The following MCTP2 variants were observed in gnomAD, a reference collection of about 807,000 sequenced individuals.
MCTP2 encodes multiple C2 and transmembrane domain-containing protein 2.
In MCTP2, 132 loss-of-function variants were observed where a neutral mutation model predicts 111.6. That is an observed-to-expected ratio of 1.18 (90% CI 1.03 to 1.37). The LOEUF is 1.37. MCTP2 is among the 40% of genes most tolerant of loss of function. The pLI is 0.00. For missense variants in MCTP2, 1,183 were observed against 1,067.9 expected (o/e 1.11, Z -1.50); for synonymous variants, 395 against 387.7 (o/e 1.02, Z -0.22).
intron 14 of MCTP2, among the ~76,000 whole-genome samples, chr15:94,391,158 C>T (rs1194201394): frequency 6.6e-6 from 1 of 152,004 alleles, no homozygotes; most frequent in African/African-American, 2.4e-5. Context: ...TCGGTGAATC[C>T]ATGTACACCC....
chr15:94,242,409 C>T lies in MCTP2; in HGVS notation c.-66+10745C>T, dbSNP rs115091862. Among the ~76,000 whole-genome samples, 1,409 of 152,200 alleles carry T rather than the reference C, an allele frequency of 9.3e-3. 26 individuals are homozygous for T. The highest frequency in any genetic ancestry group is 0.032 in the African/African-American group (1,344 of 41,534). ...AGGAAAAGAGGGAGTCTGGATTCTT[C>T]GTAATAAGCAAACCTACAGAGGTTT... is the stretch of plus-strand genomic sequence containing the variant. On this transcript the variant is annotated intron_variant, in intron 1 of 22. Transcript: ENST00000357742.
intron 17 of MCTP2, among the ~76,000 whole-genome samples, chr15:94,419,258 G>T (rs1431178605): frequency 3.7e-4 from 56 of 152,058 alleles, no homozygotes; most frequent in Non-Finnish European, 4.4e-5. Flanking sequence ...TAACTGACCA[G>T]GTCACTTTAT....
intron 14 of MCTP2, among the ~76,000 whole-genome samples, chr15:94,390,725 C>CTTTT (rs777312969): frequency 0.014 from 1,544 of 112,898 alleles, 42 homozygotes; most frequent in Middle Eastern, 0.028. Flanking sequence ...CTTTTCTTTT[C>CTTTT]TTTTTTTTTT....
At chr15:94,270,203 A>C (rs2073833482) in intron 1 of MCTP2, among the ~76,000 whole-genome samples, 1 of 152,136 alleles carries the variant, frequency 6.6e-6, no homozygotes, top group Non-Finnish European at 1.5e-5. Flanking sequence ...ATGTCAAAGA[A>C]TGTTTCCACC....
At chr15:94,251,324 TTAATCATCCTAAAA>T (rs1182145648) in intron 1 of MCTP2, among the ~76,000 whole-genome samples, 11 of 152,188 alleles carry the variant, frequency 7.2e-5, no homozygotes, top group Non-Finnish European at 1.0e-4. Flanking sequence ...TTATGTTTTC[TTAATCATCCTAAAA>T]TACACATAAC....
chr15:94,358,587 A>G lies in MCTP2; in HGVS notation c.1276A>G (p.Lys426Glu). The G allele has an allele frequency of 6.2e-7, 1 of 1,613,748 alleles. No homozygotes were observed. The highest frequency in any genetic ancestry group is 8.5e-7 in the Non-Finnish European group (1 of 1,179,760). ...CATTGAAGTGTGGGGAAAGGACAAC[A>G]AAAAGCATGAGGAACGTCTGGGCAC... is the stretch of plus-strand genomic sequence containing the variant. ...LDIEVWGKDN[K>E]KHEERLGTCK... Residue 426 changes from lysine to glutamate, a missense_variant, in exon 10 of 23, where the codon AAA (lysine) becomes GAA (glutamate). Lys to Glu is a moderately conservative substitution (Grantham distance 56). Transcript: ENST00000357742.
chr15:94,249,509 G>A (rs1218342508), intron 1 of MCTP2, among the ~76,000 whole-genome samples: 1 of 149,032 alleles, frequency 6.7e-6, no homozygotes, highest in East Asian at 2.0e-4. Flanking sequence ...TTTTTGAGAC[G>A]GAGTCTCACT....
intron 4 of MCTP2, among the ~76,000 whole-genome samples, chr15:94,328,567 A>G (rs542279759): frequency 2.2e-4 from 33 of 152,344 alleles, no homozygotes; most frequent in Admixed American, 1.6e-3. Flanking sequence ...GTATTCCCAC[A>G]TGTCCGTGAT....
chr15:94,392,818 AAAACAAAC>A (rs922294769), intron 14 of MCTP2, among the ~76,000 whole-genome samples: 2 of 151,920 alleles, frequency 1.3e-5, no homozygotes, highest in African/African-American at 2.4e-5. Context: ...TTCATCTCAA[AAAACAAAC>A]AAACAAACAA....
chr15:94,341,847 C>G (rs1258739780), intron 7 of MCTP2: 1 of 152,100 alleles, frequency 6.6e-6, no homozygotes, highest in East Asian at 1.9e-4. Context: ...ACACTTGTGA[C>G]CTCAATAAAA....
intron 17 of MCTP2, among the ~76,000 whole-genome samples, chr15:94,423,063 GTA>G (rs2082703693): frequency 6.6e-6 from 1 of 152,112 alleles, no homozygotes; most frequent in East Asian, 1.9e-4. Context: ...TAGTAACTGG[GTA>G]TATGTCTTCT....
At chr15:94,333,944 A>T (rs1184909139) in intron 4 of MCTP2, among the ~76,000 whole-genome samples, 1 of 152,236 alleles carries the variant, frequency 6.6e-6, no homozygotes, top group Non-Finnish European at 1.5e-5. Flanking sequence ...TTTCTATCAA[A>T]CCTAAGAGAC....
At chr15:94,342,997 C>T (rs1198320148) in intron 7 of MCTP2, 3 of 140,198 alleles carry the variant, frequency 2.1e-5, no homozygotes, top group Non-Finnish European at 4.7e-5. Context: ...CATATATACA[C>T]ATATACACAT....
chr15:94,311,120 G>A (rs1458531589), intron 2 of MCTP2, among the ~76,000 whole-genome samples: 1 of 151,280 alleles, frequency 6.6e-6, no homozygotes, highest in African/African-American at 2.4e-5. Flanking sequence ...CACAACCTGG[G>A]TTCAGGTGAC....
At chr15:94,410,473 T>A (rs2082105469) in intron 17 of MCTP2, among the ~76,000 whole-genome samples, 1 of 151,940 alleles carries the variant, frequency 6.6e-6, no homozygotes, top group African/African-American at 2.4e-5. Flanking sequence ...TGCCTATAGT[T>A]CCAGCACTTT....
intron 17 of MCTP2, chr15:94,402,404 C>T: frequency 1.3e-5 from 19 of 1,514,628 alleles, no homozygotes; most frequent in Non-Finnish European, 1.6e-5. Flanking sequence ...GTAAATTATT[C>T]CCAAACTTTG....
At chr15:94,255,156 C>A (rs967654661) in intron 1 of MCTP2, among the ~76,000 whole-genome samples, 1 of 152,150 alleles carries the variant, frequency 6.6e-6, no homozygotes, top group African/African-American at 2.4e-5. Flanking sequence ...ACACTTTGAT[C>A]ATATAACTAT....
At chr15:94,411,248 T>C (rs1425903160) in intron 17 of MCTP2, among the ~76,000 whole-genome samples, 1 of 151,912 alleles carries the variant, frequency 6.6e-6, no homozygotes, top group Admixed American at 6.6e-5. Flanking sequence ...TTGAAGAACA[T>C]GCTCAGCACT....
intron 21 of MCTP2, among the ~76,000 whole-genome samples, chr15:94,473,509 T>C (rs938397515): frequency 6.6e-6 from 1 of 152,226 alleles, no homozygotes; most frequent in Non-Finnish European, 1.5e-5. Context: ...GAAGTATGTA[T>C]TTCCAGAAGG....
Sources: allele counts gnomAD v4.1 joint callset (sites outside exome capture counted in the v4.1 genomes callset), GRCh38; gene constraint gnomAD v4.1.1; transcripts MANE v1.5; gene names NCBI Gene and HGNC (gene_info 2026-07-23, HGNC 2026-07-21).